Variants in SGSM2 observed in about 807,000 individuals in gnomAD.
SGSM2 encodes the protein small G protein signaling modulator 2.
In SGSM2, 89 loss-of-function variants were observed where a neutral mutation model predicts 126.6. The observed-to-expected ratio is 0.70, with a 90% CI of 0.59 to 0.84. The LOEUF is 0.84. Ranked by LOEUF, SGSM2 falls within the 40% of genes least tolerant of loss-of-function variation. SGSM2 has a pLI of 0.00. For synonymous variants in SGSM2, 614 were observed against 574.3 expected (o/e 1.07, Z -0.99); for missense variants, 1,404 against 1,416.6 (o/e 0.99, Z 0.14).
chr17:2,342,187 C>T (rs1011013114), intron 1 of SGSM2, among the ~76,000 whole-genome samples: 5 of 149,008 alleles, frequency 3.4e-5, no homozygotes, highest in Non-Finnish European at 5.9e-5. Context: ...GAGGCCAACG[C>T]GGGTGGATCA....
chr17:2,375,659 C>T lies in SGSM2; in HGVS notation c.2268C>T (p.Arg756=). 1 of 1,614,008 alleles carries T rather than the reference C, an allele frequency of 6.2e-7. No individual in the cohort carries two copies. The highest frequency in any genetic ancestry group is 8.5e-7 in the Non-Finnish European group (1 of 1,179,998). ...CAGACTCAGGACTGCCCTCCTCTCG[C>T]AATTACTCCGTGGCCTCGGGCATCC... ...DSPDSGLPSS[R]NYSVASGIQS... Residue 756 remains arginine, a synonymous_variant, in exon 18 of 24, where the codon CGC becomes CGT. Transcript: ENST00000268989.
intron 2 of SGSM2, among the ~76,000 whole-genome samples, chr17:2,354,078 T>C (rs778045116): frequency 2.6e-5 from 4 of 152,150 alleles, no homozygotes; most frequent in African/African-American, 7.2e-5. Flanking sequence ...AGCTAGTTTT[T>C]AAATTTTTTG....
Position 2,363,832 on chromosome 17 carries a change from G to A in SGSM2, c.808-227G>A, listed in dbSNP as rs2065434293. 1.3e-6 allele frequency: 1 copy of A among 792,246 alleles called. No homozygotes were observed. Among genetic ancestry groups the A allele is most frequent in the Non-Finnish European group, 2.0e-6 (1 of 508,346 alleles). The allele number at this position is 792,246 out of a possible 1,614,324, so 49.1% of individuals were successfully genotyped here. ...TCCGCAGTGTGGGTATGGCTGGCCT[G>A]GAATGGACCTGGCATCCAGGAGGCT... is the stretch of plus-strand genomic sequence containing the variant. On this transcript the variant is annotated intron_variant, in intron 7 of 23. Transcript: ENST00000268989. This position sits in a 1 kb window ranked among gnomAD's most constrained non-coding sequence, Gnocchi z 4.2.
At chr17:2,364,032 TCGG>T (rs927650431) in intron 7 of SGSM2, 24 bp from the exon 8 acceptor site, 4 of 1,613,736 alleles carry the variant, frequency 2.5e-6, no homozygotes, top group Admixed American at 3.3e-5. Context: ...CCCTTCATCG[TCGG>T]TCTTCCGGTG....
chr17:2,340,836 G>A (rs891150369), intron 1 of SGSM2, among the ~76,000 whole-genome samples: 6 of 152,184 alleles, frequency 3.9e-5, no homozygotes, highest in Admixed American at 1.3e-4. Context: ...CGCCCACCTT[G>A]GCCTCCCAAA....
At chr17:2,354,518 A>G (rs1314671877) in intron 2 of SGSM2, among the ~76,000 whole-genome samples, 1 of 152,236 alleles carries the variant, frequency 6.6e-6, no homozygotes, top group African/African-American at 2.4e-5. Context: ...ATATTCTGCT[A>G]GAGATGTACC....
At position 2,367,131 on chromosome 17, in the gene SGSM2, G is replaced by T; in HGVS notation, c.1289-140G>T. ...AGGAAAATCATCCAAAGAGCTTTCT[G>T]GTCCCCTCCCTTCCCCTCTTCTGTG... is the stretch of plus-strand genomic sequence containing the variant. On this transcript the variant is annotated intron_variant, in intron 11 of 23. Coordinates refer to ENST00000268989, the MANE Select transcript of SGSM2 (RefSeq NM_014853.3). The surrounding 1 kb of genome is among the most constrained non-coding windows in gnomAD (Gnocchi z 4.0). 1.0e-6 allele frequency: 1 copy of T among 968,096 alleles called. No individual in the cohort carries two copies. The highest frequency in any genetic ancestry group is 1.5e-6 in the Non-Finnish European group (1 of 676,272). 60.0% of individuals were successfully genotyped at this position (968,096 alleles called of 1,614,324 possible).
intron 2 of SGSM2, among the ~76,000 whole-genome samples, chr17:2,351,447 ACT>A (rs1435756540): frequency 1.3e-5 from 2 of 151,942 alleles, no homozygotes; most frequent in Non-Finnish European, 2.9e-5. Flanking sequence ...GTCCAGAGAC[ACT>A]CTAGGAGACT....
intron 11 of SGSM2, among the ~76,000 whole-genome samples, chr17:2,366,018 A>G (rs1190495804): frequency 2.0e-5 from 3 of 152,176 alleles, no homozygotes; most frequent in Non-Finnish European, 4.4e-5. Context: ...TGCTAGGGTT[A>G]CAGGCGTGAC....
At chr17:2,347,644 C>CTT (rs751104634) in intron 2 of SGSM2, among the ~76,000 whole-genome samples, 2 of 140,536 alleles carry the variant, frequency 1.4e-5, no homozygotes, top group South Asian at 2.3e-4. Context: ...TTTGTTTTTT[C>CTT]TTTTTTTTTT....
At chr17:2,373,654 T>C in intron 17 of SGSM2, 141 bp downstream of exon 17, 1 of 706,698 alleles carries the variant, frequency 1.4e-6, no homozygotes. Context: ...TCTCATTTTC[T>C]CCAACTGGAA....
chr17:2,380,033 C>G lies in SGSM2; in HGVS notation c.*513C>G, dbSNP rs765016777. The G allele has an allele frequency of 9.3e-5, 131 of 1,407,432 alleles. No individual in the cohort carries two copies. The Middle Eastern group carries it at 3.7e-3, about 40-fold the overall frequency. The allele number at this position is 1,407,432 out of a possible 1,614,324, so 87.2% of individuals were successfully genotyped here. ...CTGCTTCTGGTTTAGGCACACGTCA[C>G]GGGTGCGGGAGACCCGGGCACGGGA... On this transcript the variant is annotated 3_prime_UTR_variant, in exon 24 of 24. Transcript: ENST00000268989.
rs1045613577 is a variant in SGSM2, at chr17:2,379,881, T to C, written c.*361T>C. The C allele has an allele frequency of 5.4e-6, 7 of 1,301,040 alleles. No individual in the cohort carries two copies. The African/African-American group carries it at 5.9e-5, about 11-fold the overall frequency. The allele number at this position is 1,301,040 out of a possible 1,614,324, so 80.6% of individuals were successfully genotyped here. A position where few individuals can be genotyped will look rare whatever the true frequency, so the allele number is the denominator to read the frequency against. On this transcript the variant is annotated 3_prime_UTR_variant, in exon 24 of 24. Coordinates refer to ENST00000268989, the MANE Select transcript of SGSM2 (RefSeq NM_014853.3). ...GGCCCCACAGGATTAACAGGGGCTATAGCGGCCTGGGCCCTACTCAGCTGG... is the reference window on the plus strand; with the variant it reads ...GGCCCCACAGGATTAACAGGGGCTACAGCGGCCTGGGCCCTACTCAGCTGG...
intron 17 of SGSM2, chr17:2,374,268 G>A (rs891737266): frequency 6.6e-6 from 1 of 152,184 alleles, no homozygotes; most frequent in Non-Finnish European, 1.5e-5. Context: ...AACAGAAAAT[G>A]TAAGTTGAAG....
Position 2,372,907 on chromosome 17 carries a change from C to T in SGSM2, c.1789-46C>T, listed in dbSNP as rs767001134. 65 of 1,544,892 alleles carry T rather than the reference C, an allele frequency of 4.2e-5. No homozygotes were observed. The highest frequency in any genetic ancestry group is 3.2e-4 in the South Asian group (27 of 83,330). On this transcript the variant is annotated intron_variant, in intron 15 of 23. Transcript: ENST00000268989. This position sits in a 1 kb window ranked among gnomAD's most constrained non-coding sequence, Gnocchi z 6.0. ...GGATGGGGCTCACCCAGCTGGGCCA[C>T]GGTGACTGTGGAGGCTGCACAGTCT... is the stretch of plus-strand genomic sequence containing the variant.
intron 2 of SGSM2, among the ~76,000 whole-genome samples, chr17:2,352,323 G>A (rs1383304909): frequency 2.6e-4 from 40 of 152,212 alleles, no homozygotes; most frequent in Non-Finnish European, 1.5e-5. Flanking sequence ...AAAGCCCCAG[G>A]TCCAGAATGG....
chr17:2,369,148 TG>T lies in SGSM2; in HGVS notation c.1423+1747del, dbSNP rs548013833. Among the ~76,000 whole-genome samples, 521 of 152,246 alleles carry T rather than the reference TG, an allele frequency of 3.4e-3. 3 individuals carry two copies. The highest frequency in any genetic ancestry group is 0.012 in the African/African-American group (505 of 41,554). On this transcript the variant is annotated intron_variant, in intron 12 of 23. Coordinates refer to ENST00000268989, the MANE Select transcript of SGSM2 (RefSeq NM_014853.3). ...ATCAGCAGGCGGTTGGGGAGAGGGCTGGGGAATGGGGGCCCCCCACCTCCAC... is the reference window on the plus strand; with the variant it reads ...ATCAGCAGGCGGTTGGGGAGAGGGCTGGGAATGGGGGCCCCCCACCTCCAC...
intron 1 of SGSM2, among the ~76,000 whole-genome samples, chr17:2,341,645 A>T (rs1410856799): frequency 6.6e-6 from 1 of 152,208 alleles, no homozygotes; most frequent in Non-Finnish European, 1.5e-5. Flanking sequence ...TTTATGTGTA[A>T]CATTCTGCAC....
intron 2 of SGSM2, among the ~76,000 whole-genome samples, chr17:2,350,195 T>C (rs1306261826): frequency 1.3e-5 from 2 of 151,862 alleles, no homozygotes; most frequent in African/African-American, 4.8e-5. Flanking sequence ...GTGCTGGGAT[T>C]ACAGGTGTGA....
Sources: allele counts gnomAD v4.1 joint callset (sites outside exome capture counted in the v4.1 genomes callset), GRCh38; gene constraint gnomAD v4.1.1; non-coding constraint Gnocchi (gnomAD v3.1); transcripts MANE v1.5; gene names NCBI Gene and HGNC (gene_info 2026-07-23, HGNC 2026-07-21).